The following TCF23 variants were observed in gnomAD, a reference collection of about 807,000 sequenced individuals.
The protein encoded by TCF23 is class A basic helix-loop-helix protein 24.
A neutral mutation model predicts 13.0 loss-of-function variants in TCF23; 7 were observed. The ratio of observed to expected loss-of-function variants is 0.54; its 90% CI spans 0.31 to 1.01. TCF23 has a LOEUF of 1.01. Ranked by LOEUF, TCF23 falls within the 50% of genes least tolerant of loss-of-function variation. The probability of loss-of-function intolerance (pLI) is 0.06; values close to 1 mark genes in which losing one functional copy is unlikely to be tolerated. For missense variants in TCF23, 257 were observed against 289.8 expected (o/e 0.89, Z 0.82); for synonymous variants, 122 against 119.5 (o/e 1.02, Z -0.14).
In TCF23 at chr2:27,154,144, A is replaced by T. The variant is rs1672803126; in HGVS notation, c.*1277A>T. On this transcript the variant is annotated 3_prime_UTR_variant, in exon 3 of 3. Transcript: ENST00000296096. The stretch of plus-strand genomic sequence containing the variant: ...TAAGTCCTACCATGGGGTGCCAGAA[A>T]TGTGATATAGCTTCGGTGAAACTCA... The T allele has an allele frequency of 6.6e-6, 1 of 152,220 alleles. No individual in the cohort carries two copies. Among genetic ancestry groups the T allele is most frequent in the Non-Finnish European group, 1.5e-5 (1 of 68,050 alleles). 9.4% of individuals were successfully genotyped at this position (152,220 alleles called of 1,614,324 possible).
rs1288458941 is a variant in TCF23, at chr2:27,150,231, A to G, written c.331A>G (p.Lys111Glu). 6.2e-7 allele frequency: 1 copy of G among 1,613,398 alleles called. No individual in the cohort carries two copies. Residue 111 changes from lysine (K) to glutamate (E), a missense_variant, in exon 2 of 3, where the codon AAG becomes GAG. Transcript: ENST00000296096. The surrounding 1 kb of genome is among the most constrained non-coding windows in gnomAD (Gnocchi z 4.1). ...AALPAVPPDTKLSKLDVLVLA... is the reference protein window; with the variant it reads ...AALPAVPPDTELSKLDVLVLA... ...TCTGCCTGCCGTGCCGCCCGACACC[A>G]AGCTCTCCAAGTTGGACGTGCTGGT...
In TCF23 at chr2:27,150,335, G is replaced by T. The variant is rs755171054; in HGVS notation, c.435G>T (p.Leu145=). The T allele has an allele frequency of 3.7e-6, 6 of 1,613,470 alleles. No individual in the cohort carries two copies. The African/African-American group carries it at 4.0e-5, about 11-fold the overall frequency. The stretch of plus-strand genomic sequence containing the variant: ...CTGGCCCTGCCTGGCCGCCCTTCCT[G>T]CGTGGACTCCGCTACTTGCACCCTC... ...ELPGPAWPPF[L]RGLRYLHPLK... The change falls in exon 2 of 3, where the codon CTG becomes CTT. Residue 145 remains leucine (L), a synonymous_variant. Transcript: ENST00000296096. This position sits in a 1 kb window ranked among gnomAD's most constrained non-coding sequence, Gnocchi z 4.1.
chr2:27,151,980 A>G (rs889297301), intron 2 of TCF23, among the ~76,000 whole-genome samples: 4 of 152,104 alleles, frequency 2.6e-5, no homozygotes, highest in African/African-American at 7.2e-5. Flanking sequence ...TTTTTCTTCA[A>G]TGCAAATGTA....
rs953875874 is a variant in TCF23 at position 27,150,443 on chromosome 2, G to A, written c.465+78G>A. 4.5e-6 allele frequency: 7 copies of A among 1,568,578 alleles called. No homozygotes were observed. Among genetic ancestry groups the A allele is most frequent in the Middle Eastern group, 1.7e-4 (1 of 5,806 alleles). On this transcript the variant is annotated intron_variant, in intron 2 of 2. Transcript: ENST00000296096. This position sits in a 1 kb window ranked among gnomAD's most constrained non-coding sequence, Gnocchi z 4.1. ...GGAGAAAGGGATTGGAATGAGGGGGGACATTGGACTTGGGCCCCCTGCCCT... is the reference window on the plus strand; with the variant it reads ...GGAGAAAGGGATTGGAATGAGGGGGAACATTGGACTTGGGCCCCCTGCCCT...
At chr2:27,149,594 G>T in intron 1 of TCF23, 1 of 649,238 alleles carries the variant, frequency 1.5e-6, no homozygotes, top group South Asian at 1.6e-5. Context: ...GGAAACTGAG[G>T]CCGGGAAGAG....
At position 27,152,741 on chromosome 2, in the gene TCF23, TGACTC is replaced by T. The variant is rs1464523356; in HGVS notation, c.520_524del (p.Asp174HisfsTer38). The stretch of plus-strand genomic sequence containing the variant: ...CTGGAGGCCTGGGGTACTCCGATCT[TGACTC>T]CACCACAGCCAGCACCCCCAGCCAA... On this transcript the variant is annotated frameshift_variant, in exon 3 of 3. Transcript: ENST00000296096. LOFTEE classifies it low-confidence loss of function (END_TRUNC). 1 of 1,614,112 alleles carries T rather than the reference TGACTC, an allele frequency of 6.2e-7. No individual in the cohort carries two copies. Among genetic ancestry groups the T allele is most frequent in the African/African-American group, 1.3e-5 (1 of 75,002 alleles).
chr2:27,149,751 C>A lies in TCF23; in HGVS notation c.223-372C>A, dbSNP rs951298961. 1.5e-5 allele frequency: 9 copies of A among 605,532 alleles called. No individual in the cohort carries two copies. In the East Asian group the frequency reaches 3.4e-4, roughly 23 times the overall value. The allele number at this position is 605,532 out of a possible 1,614,324, so 37.5% of individuals were successfully genotyped here. ...GACCTGGCTAGGTCAAGGGTCCGCC[C>A]TCCCAAACAGGGTGTAGCTCTGAAC... On this transcript the variant is annotated intron_variant, in intron 1 of 2. Transcript: ENST00000296096.
chr2:27,150,185 C>T lies in TCF23; in HGVS notation c.285C>T (p.Ala95=), dbSNP rs139709058. The T allele has an allele frequency of 5.3e-5, 86 of 1,612,460 alleles. No individual in the cohort carries two copies. The African/African-American group carries it at 1.1e-3, about 20-fold the overall frequency. ...ERSRVRTLRQ[A]FLALQAALPA... is the part of the protein sequence containing the mutation. ...GCCGGGTCAGGACGCTGCGCCAGGC[C>T]TTCTTGGCCTTGCAGGCTGCTCTGC... Residue 95 remains alanine, a synonymous_variant, in exon 2 of 3, where the codon GCC becomes GCT. Transcript: ENST00000296096. The surrounding 1 kb of genome is among the most constrained non-coding windows in gnomAD (Gnocchi z 4.1).
intron 1 of TCF23, 184 bp from the exon 2 acceptor site, chr2:27,149,939 T>C: frequency 1.0e-6 from 1 of 988,900 alleles, no homozygotes; most frequent in Non-Finnish European, 1.5e-6. Context: ...GGCCAGGCCT[T>C]CCCCCAACTT....
chr2:27,149,258 A>C lies in TCF23; in HGVS notation c.125A>C (p.Gln42Pro). The C allele has an allele frequency of 6.3e-7, 1 of 1,588,698 alleles. No individual in the cohort carries two copies. The highest frequency in any genetic ancestry group is 8.6e-7 in the Non-Finnish European group (1 of 1,167,706). Reference protein sequence around the residue: ...RKRSRLSRTRQDPWEERSWSN... With the variant: ...RKRSRLSRTRPDPWEERSWSN... ...AGGAGCCGCCTCAGCAGGACAAGGC[A>C]GGACCCGTGGGAAGAAAGAAGCTGG... Residue 42 changes from glutamine to proline, a missense_variant, in exon 1 of 3, where the codon CAG becomes CCG. By Grantham distance (76) the Gln-to-Pro change is moderately conservative. Transcript: ENST00000296096.
Position 27,152,935 on chromosome 2 carries a change from C to G in TCF23, c.*68C>G, listed in dbSNP as rs1039046354. 8.4e-6 allele frequency: 13 copies of G among 1,552,428 alleles called. No homozygotes were observed. The highest frequency in any genetic ancestry group is 2.7e-5 in the African/African-American group (2 of 73,268). On this transcript the variant is annotated 3_prime_UTR_variant, in exon 3 of 3. Coordinates refer to ENST00000296096, the MANE Select transcript of TCF23 (RefSeq NM_175769.3). Reference sequence around the variant, plus strand: ...ATGGGCCTGGATTTTCTACCAGCCCCCAGATTCTCAGCCATCAGACTTGAC... The same window carrying G: ...ATGGGCCTGGATTTTCTACCAGCCCGCAGATTCTCAGCCATCAGACTTGAC...
chr2:27,149,280 CT>C lies in TCF23; in HGVS notation c.148del (p.Trp50GlyfsTer76), dbSNP rs1394272942. 3 of 1,596,556 alleles carry C rather than the reference CT, an allele frequency of 1.9e-6. No individual in the cohort carries two copies. In the Admixed American group the frequency reaches 5.2e-5, roughly 28 times the overall value. On this transcript the variant is annotated frameshift_variant, in exon 1 of 3. Transcript: ENST00000296096. LOFTEE classifies it high-confidence loss of function. ...GGCAGGACCCGTGGGAAGAAAGAAGCTGGAGCAACCAGAGATGGAGCAGAGC... is the reference window on the plus strand; with the variant it reads ...GGCAGGACCCGTGGGAAGAAAGAAGCGGAGCAACCAGAGATGGAGCAGAGC... ...TRQDPWEERS[W>X]SNQRWSRATP...
Position 27,150,034 on chromosome 2 carries a change from C to T in TCF23, c.223-89C>T. 3 of 1,536,462 alleles carry T rather than the reference C, an allele frequency of 2.0e-6. No individual in the cohort carries two copies. In the South Asian group the frequency reaches 3.7e-5, roughly 19 times the overall value. On this transcript the variant is annotated intron_variant, in intron 1 of 2. Transcript: ENST00000296096. This position sits in a 1 kb window ranked among gnomAD's most constrained non-coding sequence, Gnocchi z 4.1. The stretch of plus-strand genomic sequence containing the variant: ...GCCTACTGCTAGACACCCTTCTACT[C>T]TGGTGGGAGACCTTGTGCTCAAACG...
chr2:27,152,537 G>C, intron 2 of TCF23, 151 bp from the exon 3 acceptor site: 6 of 849,976 alleles, frequency 7.1e-6, no homozygotes, highest in Non-Finnish European at 1.1e-5. Flanking sequence ...GTGTGGGGCT[G>C]TACATGATGA....
chr2:27,151,798 GCTTTTTTTTTT>G (rs1363203676), intron 2 of TCF23, among the ~76,000 whole-genome samples: 2 of 150,684 alleles, frequency 1.3e-5, no homozygotes, highest in Non-Finnish European at 3.0e-5. Flanking sequence ...ACCACACCTG[GCTTTTTTTTTT>G]CTTTTTTTTT....
Position 27,152,985 on chromosome 2 carries a change from C to A in TCF23, c.*118C>A, listed in dbSNP as rs1002772132. The A allele has an allele frequency of 1.3e-6, 2 of 1,521,410 alleles. No individual in the cohort carries two copies. Among genetic ancestry groups the A allele is most frequent in the African/African-American group, 1.4e-5 (1 of 72,270 alleles). The allele number at this position is 1,521,410 out of a possible 1,614,324, so 94.2% of individuals were successfully genotyped here. On this transcript the variant is annotated 3_prime_UTR_variant, in exon 3 of 3. Transcript: ENST00000296096. ...CTCAGACTCAGCTCCCAAGTTCCAG[C>A]ATGCAGACCAAGAGAAGCAGTAGCA...
chr2:27,152,929 C>T lies in TCF23; in HGVS notation c.*62C>T, dbSNP rs887453794. The T allele has an allele frequency of 9.0e-6, 14 of 1,555,830 alleles. 1 individual carries two copies. In the Admixed American group the frequency reaches 2.0e-4, roughly 23 times the overall value. ...ATGCTTATGGGCCTGGATTTTCTACCAGCCCCCAGATTCTCAGCCATCAGA... is the reference window on the plus strand; with the variant it reads ...ATGCTTATGGGCCTGGATTTTCTACTAGCCCCCAGATTCTCAGCCATCAGA... On this transcript the variant is annotated 3_prime_UTR_variant, in exon 3 of 3. Coordinates refer to ENST00000296096, the MANE Select transcript of TCF23 (RefSeq NM_175769.3).
In TCF23 at chr2:27,150,473, A is replaced by G; in HGVS notation, c.465+108A>G. The G allele has an allele frequency of 6.6e-7, 1 of 1,524,354 alleles. No individual in the cohort carries two copies. Among genetic ancestry groups the G allele is most frequent in the Non-Finnish European group, 8.9e-7 (1 of 1,129,286 alleles). 94.4% of individuals were successfully genotyped at this position (1,524,354 alleles called of 1,614,324 possible). ...TGGACTTGGGCCCCCTGCCCTGTGC[A>G]GAACTGACGTCGGAGCCAATTTCTC... is the stretch of plus-strand genomic sequence containing the variant. On this transcript the variant is annotated intron_variant, in intron 2 of 2. Transcript: ENST00000296096. The surrounding 1 kb of genome is among the most constrained non-coding windows in gnomAD (Gnocchi z 4.1).
chr2:27,150,411 G>A lies in TCF23; in HGVS notation c.465+46G>A. On this transcript the variant is annotated intron_variant, in intron 2 of 2. Transcript: ENST00000296096. This position sits in a 1 kb window ranked among gnomAD's most constrained non-coding sequence, Gnocchi z 4.1. ...CTTGAGAGGCGGATCTTAATGCCCA[G>A]GGCCTTGGAGAAAGGGATTGGAATG... The A allele has an allele frequency of 6.3e-7, 1 of 1,596,316 alleles. No individual in the cohort carries two copies. The highest frequency in any genetic ancestry group is 1.1e-5 in the South Asian group (1 of 90,042).
Sources: allele counts gnomAD v4.1 joint callset (sites outside exome capture counted in the v4.1 genomes callset), GRCh38; gene constraint gnomAD v4.1.1; non-coding constraint Gnocchi (gnomAD v3.1); transcripts MANE v1.5; gene names NCBI Gene and HGNC (gene_info 2026-07-23, HGNC 2026-07-21).